MAF: variants seen among roughly 807,000 people sequenced by gnomAD.
The protein encoded by MAF is transcription factor Maf.
Under a neutral mutation model 22.0 loss-of-function variants are expected in MAF, and 10 were observed. That is an observed-to-expected ratio of 0.45 (90% CI 0.28 to 0.77). The LOEUF (loss-of-function observed/expected upper bound fraction) is 0.77, where lower values mean the gene tolerates loss of function less well. MAF is among the 30% of genes least tolerant of loss of function. The pLI is 0.12. For synonymous variants in MAF, 337 were observed against 255.8 expected (o/e 1.32, Z -3.03); for missense variants, 544 against 548.4 (o/e 0.99, Z 0.08).
the MAF span, among the ~76,000 whole-genome samples, chr16:79,502,070 C>T: frequency 4.1e-4 from 62 of 152,202 alleles, no homozygotes; most frequent in African/African-American, 1.4e-3. Context: ...TTTTCACCAC[C>T]GCTGCAATTT....
the MAF span, among the ~76,000 whole-genome samples, chr16:79,411,766 C>G: frequency 6.6e-6 from 1 of 152,238 alleles, no homozygotes; most frequent in African/African-American, 2.4e-5. Flanking sequence ...GCTCACTCTT[C>G]CTGCATGTTA....
the MAF span, among the ~76,000 whole-genome samples, chr16:79,235,534 C>T: frequency 6.7e-6 from 1 of 150,142 alleles, no homozygotes; most frequent in Non-Finnish European, 1.5e-5. Flanking sequence ...CACACTGTCT[C>T]TAAAAAAAAC....
the MAF span, among the ~76,000 whole-genome samples, chr16:79,239,598 C>A: frequency 6.6e-6 from 1 of 152,046 alleles, no homozygotes; most frequent in Admixed American, 6.6e-5. Flanking sequence ...GACCATTTTG[C>A]CTACCTAGTC....
chr16:79,322,908 T>A, the MAF span, among the ~76,000 whole-genome samples: 1 of 152,074 alleles, frequency 6.6e-6, no homozygotes, highest in African/African-American at 2.4e-5. Context: ...CCCAGCACTT[T>A]GGGAGGCCGA....
At chr16:79,445,182 T>G in the MAF span, among the ~76,000 whole-genome samples, 1 of 150,618 alleles carries the variant, frequency 6.6e-6, no homozygotes. Flanking sequence ...TACAGGCACC[T>G]GCCACCATAC....
At chr16:79,571,474 T>A in the MAF span, among the ~76,000 whole-genome samples, 1 of 152,028 alleles carries the variant, frequency 6.6e-6, no homozygotes, top group African/African-American at 2.4e-5. Context: ...CACTCCATAA[T>A]TCTTTCTAGC....
chr16:79,251,305 TAAGTC>T, the MAF span, among the ~76,000 whole-genome samples: 1 of 143,724 alleles, frequency 7.0e-6, no homozygotes, highest in Non-Finnish European at 1.5e-5. Flanking sequence ...TATTTCTTTT[TAAGTC>T]TTTATCTTTT....
the MAF span, among the ~76,000 whole-genome samples, chr16:79,235,681 T>C: frequency 6.6e-6 from 1 of 152,088 alleles, no homozygotes; most frequent in South Asian, 2.1e-4. Context: ...GAAATTAATT[T>C]AGTTAGCAAT....
the MAF span, among the ~76,000 whole-genome samples, chr16:79,302,321 A>G: frequency 1.3e-5 from 2 of 152,240 alleles, no homozygotes; most frequent in East Asian, 1.9e-4. Context: ...TCTAATGAGC[A>G]ATGAATGCTC....
chr16:79,226,176 A>G, the MAF span, among the ~76,000 whole-genome samples: 1 of 152,232 alleles, frequency 6.6e-6, no homozygotes, highest in Non-Finnish European at 1.5e-5. Context: ...TGGCACATAT[A>G]TACCATGGAA....
chr16:79,579,697 A>G, the MAF span, among the ~76,000 whole-genome samples: 6 of 152,226 alleles, frequency 3.9e-5, no homozygotes, highest in Admixed American at 3.3e-4. Context: ...TGCCTTCTCA[A>G]TAGCTCTACA....
the MAF span, among the ~76,000 whole-genome samples, chr16:79,374,386 C>A: frequency 2.0e-5 from 3 of 152,306 alleles, no homozygotes; most frequent in East Asian, 5.8e-4. Context: ...AACCTCTCTG[C>A]TATTTGCTTT....
At chr16:79,460,038 T>C in the MAF span, among the ~76,000 whole-genome samples, 2 of 152,224 alleles carry the variant, frequency 1.3e-5, no homozygotes, top group Admixed American at 1.3e-4. Flanking sequence ...CTCATTCTGC[T>C]TTTTGTCCGT....
chr16:79,515,790 G>A, the MAF span, among the ~76,000 whole-genome samples: 37 of 152,130 alleles, frequency 2.4e-4, no homozygotes, highest in South Asian at 4.6e-3. Flanking sequence ...CAGGAAGGAG[G>A]TCTGAGATCC....
chr16:79,270,485 C>G, the MAF span, among the ~76,000 whole-genome samples: 6 of 152,158 alleles, frequency 3.9e-5, no homozygotes, highest in Admixed American at 6.5e-5. Flanking sequence ...GATTCCCCAT[C>G]TGAAAGCAAG....
chr16:79,243,916 G>A, the MAF span, among the ~76,000 whole-genome samples: 1 of 151,928 alleles, frequency 6.6e-6, no homozygotes, highest in African/African-American at 2.4e-5. Context: ...TTCAACATAT[G>A]CAAATCAATA....
chr16:79,273,439 G>C, the MAF span, among the ~76,000 whole-genome samples: 2 of 152,196 alleles, frequency 1.3e-5, no homozygotes, highest in East Asian at 3.8e-4. Flanking sequence ...CACAAACTTG[G>C]TGGCTTAAAT....
At chr16:79,449,333 C>T in the MAF span, among the ~76,000 whole-genome samples, 1 of 152,096 alleles carries the variant, frequency 6.6e-6, no homozygotes. Flanking sequence ...GTTGGGGAAC[C>T]CTGGTATAAA....
the MAF span, among the ~76,000 whole-genome samples, chr16:79,381,952 T>C: frequency 6.6e-6 from 1 of 152,156 alleles, no homozygotes; most frequent in Non-Finnish European, 1.5e-5. Context: ...ACAGCCCCCT[T>C]TTCCTGTTAA....
Sources: allele counts gnomAD v4.1 joint callset (sites outside exome capture counted in the v4.1 genomes callset), GRCh38; gene constraint gnomAD v4.1.1; transcripts MANE v1.5; gene names NCBI Gene and HGNC (gene_info 2026-07-23, HGNC 2026-07-21).